TRHDE: variants seen among roughly 807,000 people sequenced by gnomAD.
TRHDE encodes the protein thyrotropin releasing hormone degrading enzyme, also known as thyrotropin-releasing hormone-degrading ectoenzyme.
A neutral mutation model predicts 125.7 loss-of-function variants in TRHDE; 72 were observed. The observed-to-expected ratio is 0.57, with a 90% CI of 0.47 to 0.70. The LOEUF is 0.70. Ranked by LOEUF, TRHDE falls within the 30% of genes least tolerant of loss-of-function variation. The pLI is 0.00. For synonymous variants in TRHDE, 509 were observed against 509.1 expected, an observed-to-expected ratio of 1.00 and a Z score of 0.00; for missense variants, 1,110 against 1,327.1, an observed-to-expected ratio of 0.84 and a Z score of 2.54.
chr12:72,250,845 T>TATATATATATATATATATAG (rs1204888606), intron 2 of TRHDE, among the ~76,000 whole-genome samples: 11 of 141,654 alleles, frequency 7.8e-5, no homozygotes, highest in African/African-American at 2.8e-4. Context: ...CAGATATATA[T>TATATATATATATATATATAG]ATATATATAT....
intron 2 of TRHDE, among the ~76,000 whole-genome samples, chr12:72,294,045 G>T (rs1880192388): frequency 6.6e-6 from 1 of 152,160 alleles, no homozygotes; most frequent in African/African-American, 2.4e-5. Flanking sequence ...GGAATATGGT[G>T]GTGCTTGGAA....
intron 2 of TRHDE, among the ~76,000 whole-genome samples, chr12:72,314,109 G>C (rs1414557491): frequency 6.6e-6 from 1 of 152,124 alleles, no homozygotes; most frequent in Non-Finnish European, 1.5e-5. Flanking sequence ...ACTGTGACAG[G>C]CTAAACTCTT....
intron 9 of TRHDE, among the ~76,000 whole-genome samples, chr12:72,566,253 G>A (rs897677016): frequency 5.3e-5 from 8 of 151,746 alleles, no homozygotes; most frequent in East Asian, 1.9e-4. Flanking sequence ...GTAGATTTTC[G>A]TTATGTGTGT....
chr12:72,273,601 C>A lies in TRHDE; in HGVS notation c.914+44C>A. Reference sequence around the variant, plus strand: ...CCCCGCGCTGCCCCACCCCGGCGCGCGGCTCGAACCTCTGGGCGGCCTGCG... The same window carrying A: ...CCCCGCGCTGCCCCACCCCGGCGCGAGGCTCGAACCTCTGGGCGGCCTGCG... On this transcript the variant is annotated intron_variant, in intron 1 of 18. Transcript: ENST00000261180. This position sits in a 1 kb window ranked among gnomAD's most constrained non-coding sequence, Gnocchi z 5.3. The A allele has an allele frequency of 6.5e-7, 1 of 1,527,514 alleles. No homozygotes were observed. Among genetic ancestry groups the A allele is most frequent in the South Asian group, 1.2e-5 (1 of 82,390 alleles). 94.6% of individuals were successfully genotyped at this position (1,527,514 alleles called of 1,614,324 possible).
intron 3 of TRHDE, among the ~76,000 whole-genome samples, chr12:72,391,800 C>G (rs1228958520): frequency 6.6e-6 from 1 of 152,004 alleles, no homozygotes; most frequent in Non-Finnish European, 1.5e-5. Flanking sequence ...TGGACAAAAC[C>G]AACATTCCAT....
intron 6 of TRHDE, among the ~76,000 whole-genome samples, chr12:72,509,023 A>T (rs1262150205): frequency 6.6e-6 from 1 of 152,078 alleles, no homozygotes; most frequent in African/African-American, 2.4e-5. Context: ...TGAGCCAATT[A>T]AACCTCTTTT....
At chr12:72,358,209 A>T (rs1230085932) in intron 2 of TRHDE, among the ~76,000 whole-genome samples, 1 of 151,484 alleles carries the variant, frequency 6.6e-6, no homozygotes. Context: ...TGACTCTTGA[A>T]CATGGGTTTG....
At chr12:72,335,882 T>C (rs1275533238) in intron 2 of TRHDE, among the ~76,000 whole-genome samples, 2 of 152,202 alleles carry the variant, frequency 1.3e-5, no homozygotes, top group Non-Finnish European at 2.9e-5. Context: ...TGTATTTCTG[T>C]TAAAGAACAT....
chr12:72,426,717 TTA>T (rs761127294), intron 3 of TRHDE, among the ~76,000 whole-genome samples: 81 of 113,088 alleles, frequency 7.2e-4, no homozygotes, highest in Middle Eastern at 4.9e-3. Context: ...AAAAATAGAT[TTA>T]AAAAAAAAAA....
intron 2 of TRHDE, among the ~76,000 whole-genome samples, chr12:72,293,052 C>CT (rs1449662559): frequency 6.6e-6 from 1 of 152,064 alleles, no homozygotes; most frequent in African/African-American, 2.4e-5. Flanking sequence ...CTGACTGCAT[C>CT]TTTACTAAAT....
intron 3 of TRHDE, 107 bp from the exon 4 acceptor site, chr12:72,469,651 A>T: frequency 7.9e-7 from 1 of 1,267,618 alleles, no homozygotes; most frequent in Non-Finnish European, 1.1e-6. Flanking sequence ...TCACTAAGTA[A>T]AATCAAGTAT....
chr12:72,655,747 T>C (rs1055418938), intron 17 of TRHDE, among the ~76,000 whole-genome samples: 2 of 152,216 alleles, frequency 1.3e-5, no homozygotes, highest in Non-Finnish European at 2.9e-5. Flanking sequence ...AACACTTCTT[T>C]AGAAAAAAAT....
chr12:72,662,468 T>C (rs1488760784), intron 18 of TRHDE, among the ~76,000 whole-genome samples: 1 of 152,148 alleles, frequency 6.6e-6, no homozygotes, highest in Admixed American at 6.6e-5. Flanking sequence ...AAAATCTAGT[T>C]ACGCAGGTGA....
chr12:72,371,320 T>G (rs867116389), intron 2 of TRHDE, among the ~76,000 whole-genome samples: 1 of 150,804 alleles, frequency 6.6e-6, no homozygotes, highest in Non-Finnish European at 1.5e-5. Flanking sequence ...CAAAGTTGTA[T>G]CTAGTAGGCA....
chr12:72,280,469 G>A (rs1338319506), intron 1 of TRHDE, among the ~76,000 whole-genome samples: 5 of 152,176 alleles, frequency 3.3e-5, no homozygotes, highest in Admixed American at 1.3e-4. Context: ...CCCTTTGGCT[G>A]CTGTTTGTTT....
chr12:72,500,320 T>A (rs1001120996), intron 6 of TRHDE, among the ~76,000 whole-genome samples: 16 of 152,316 alleles, frequency 1.1e-4, no homozygotes, highest in African/African-American at 3.8e-4. Context: ...AGCCACTTAA[T>A]AATAGTTAAA....
chr12:72,477,424 G>A (rs1455507548), intron 5 of TRHDE, among the ~76,000 whole-genome samples: 2 of 152,158 alleles, frequency 1.3e-5, no homozygotes, highest in South Asian at 2.1e-4. Flanking sequence ...CTTAGATAAT[G>A]TTTCATTCAT....
At chr12:72,419,054 A>G (rs1480132657) in intron 3 of TRHDE, among the ~76,000 whole-genome samples, 1 of 152,170 alleles carries the variant, frequency 6.6e-6, no homozygotes, top group Non-Finnish European at 1.5e-5. Flanking sequence ...TTAAATTATA[A>G]AGGGAAAGGG....
intron 2 of TRHDE, among the ~76,000 whole-genome samples, chr12:72,199,255 A>T (rs1877507061): frequency 6.6e-6 from 1 of 152,142 alleles, no homozygotes; most frequent in African/African-American, 2.4e-5. Context: ...ATTTAAAATC[A>T]CCATAGGAGG....
Sources: gnomAD v4.1 joint callset for allele counts (sites outside exome capture counted in the v4.1 genomes callset) on GRCh38, gnomAD v4.1.1 for gene constraint, Gnocchi (gnomAD v3.1) non-coding constraint, MANE v1.5 for transcripts, NCBI Gene and HGNC (gene_info 2026-07-23, HGNC 2026-07-21) for gene names.